The following SRRM2 variants were observed in gnomAD, a reference collection of about 807,000 sequenced individuals.
SRRM2 encodes serine/arginine repetitive matrix 2.
A neutral mutation model predicts 213.8 loss-of-function variants in SRRM2; 30 were observed. The ratio of observed to expected loss-of-function variants is 0.14; its 90% CI spans 0.10 to 0.19. The LOEUF (loss-of-function observed/expected upper bound fraction) is 0.19. Ranked by LOEUF, SRRM2 falls within the 10% of genes least tolerant of loss-of-function variation. SRRM2 has a pLI of 1.00. For synonymous variants in SRRM2, 2,025 were observed against 1,377.7 expected, an observed-to-expected ratio of 1.47 and a Z score of -10.40; for missense variants, 4,904 against 3,647.0, an observed-to-expected ratio of 1.34 and a Z score of -8.88.
Position 2,764,535 on chromosome 16 carries a change from C to T in SRRM2, c.4007C>T (p.Ser1336Leu). 6.2e-7 allele frequency: 1 copy of T among 1,614,206 alleles called. No individual in the cohort carries two copies. Among genetic ancestry groups the T allele is most frequent in the East Asian group, 2.2e-5 (1 of 44,890 alleles). The change falls in exon 11 of 15, where the codon TCA becomes TTA. Residue 1336 changes from serine to leucine, a missense_variant. Coordinates refer to ENST00000301740, the MANE Select transcript of SRRM2 (RefSeq NM_016333.4). ...SFGSPLEFRN[S>L]GPLGTEMNTG... The stretch of plus-strand genomic sequence containing the variant: ...GGATCACCTTTAGAATTTAGAAACT[C>T]AGGCCCACTTGGTACAGAAATGAAT...
At position 2,764,449 on chromosome 16, in the gene SRRM2, G is replaced by A. The variant is rs994433814; in HGVS notation, c.3921G>A (p.Gly1307=). ...CTTCAATGGCCTCATCTTGGGGTGG[G>A]CCACATTTTTCTCCAGAACATAAAG... The part of the protein sequence containing the change: ...EVPSMASSWG[G]PHFSPEHKEL... Residue 1307 remains glycine (G), a synonymous_variant, in exon 11 of 15, where the codon GGG becomes GGA. Coordinates refer to ENST00000301740, the MANE Select transcript of SRRM2 (RefSeq NM_016333.4). 6.2e-7 allele frequency: 1 copy of A among 1,612,716 alleles called. No homozygotes were observed. The highest frequency in any genetic ancestry group is 1.3e-5 in the African/African-American group (1 of 74,774).
intron 10 of SRRM2, among the ~76,000 whole-genome samples, chr16:2,761,009 T>TAC (rs1288325214): frequency 1.3e-5 from 2 of 152,240 alleles, no homozygotes; most frequent in African/African-American, 4.8e-5. Context: ...CATCCAGGGT[T>TAC]ACCTTTCCAA....
Position 2,764,273 on chromosome 16 carries a change from G to A in SRRM2, c.3745G>A (p.Ala1249Thr), listed in dbSNP as rs150319221. Residue 1249 changes from alanine to threonine, a missense_variant, in exon 11 of 15, where the codon GCA becomes ACA. Ala to Thr is a moderately conservative substitution (Grantham distance 58, BLOSUM62 0). Transcript: ENST00000301740. The part of the protein sequence containing the change: ...MEVVEKSEEP[A>T]GQILSHLSSE... ...GGTGGTAGAGAAGTCTGAAGAACCC[G>A]CAGGCCAAATCCTGTCTCATTTGTC... is the stretch of plus-strand genomic sequence containing the variant. 8.7e-6 allele frequency: 14 copies of A among 1,613,760 alleles called. No homozygotes were observed. Among genetic ancestry groups the A allele is most frequent in the Middle Eastern group, 1.6e-4 (1 of 6,062 alleles).
At position 2,766,371 on chromosome 16, in the gene SRRM2, C is replaced by G; in HGVS notation, c.5843C>G (p.Ser1948Cys). The G allele has an allele frequency of 6.2e-7, 1 of 1,614,158 alleles. No individual in the cohort carries two copies. Among genetic ancestry groups the G allele is most frequent in the Non-Finnish European group, 8.5e-7 (1 of 1,179,992 alleles). ...RTPTTRRRSR[S>C]RTPPVTRRRS... ...CCAACAACACGCCGCCGCTCCCGTTCTAGAACTCCACCAGTGACTCGCAGA... is the reference window on the plus strand; with the variant it reads ...CCAACAACACGCCGCCGCTCCCGTTGTAGAACTCCACCAGTGACTCGCAGA... Residue 1948 changes from serine to cysteine, a missense_variant, in exon 11 of 15, where the codon TCT becomes TGT. Transcript: ENST00000301740. The surrounding 1 kb of genome is among the most constrained non-coding windows in gnomAD (Gnocchi z 7.0).
In SRRM2 at chr16:2,765,696, G is replaced by A. The variant is rs2068515556; in HGVS notation, c.5168G>A (p.Arg1723Lys). The change falls in exon 11 of 15, where the codon AGG (arginine) becomes AAG (lysine). Residue 1723 changes from arginine (R) to lysine (K), a missense_variant. Coordinates refer to ENST00000301740, the MANE Select transcript of SRRM2 (RefSeq NM_016333.4). ...GAAACTCGCTCTAGAACTCCCCCAA[G>A]GCACCGGAGAAGTCCCTCAGTGTCT... The part of the protein sequence containing the change: ...SPETRSRTPP[R>K]HRRSPSVSSP... The A allele has an allele frequency of 6.2e-7, 1 of 1,614,088 alleles. No individual in the cohort carries two copies. Among genetic ancestry groups the A allele is most frequent in the South Asian group, 1.1e-5 (1 of 91,066 alleles).
rs1235816492 is a variant in SRRM2 at position 2,760,748 on chromosome 16, A to G, written c.1032+249A>G. The G allele has an allele frequency of 8.4e-6, 4 of 474,854 alleles. No homozygotes were observed. The East Asian group carries it at 1.6e-4, about 18-fold the overall frequency. The allele number at this position is 474,854 out of a possible 1,614,324, so 29.4% of individuals were successfully genotyped here. On this transcript the variant is annotated intron_variant, in intron 10 of 14. Coordinates refer to ENST00000301740, the MANE Select transcript of SRRM2 (RefSeq NM_016333.4). ...TATATTGTGTCTTGTTTATACATAG[A>G]TAGAACTGGAACAAACGTTGTATCT...
Position 2,768,130 on chromosome 16 carries a change from C to G in SRRM2, c.7602C>G (p.Ser2534=), listed in dbSNP as rs371982350. The part of the protein sequence containing the change: ...LQPAKERRSS[S]SSSSSSSSSS... ...CAGCAAAGGAGCGGCGGAGTTCCTC[C>G]TCGTCGTCGTCGTCCTCTAGCTCCT... Residue 2534 remains serine, a synonymous_variant, in exon 11 of 15, where the codon TCC becomes TCG. Transcript: ENST00000301740. 8.4e-5 allele frequency: 135 copies of G among 1,613,468 alleles called. No individual in the cohort carries two copies. Among genetic ancestry groups the G allele is most frequent in the East Asian group, 1.3e-4 (6 of 44,878 alleles).
intron 14 of SRRM2, 54 bp downstream of exon 14, chr16:2,770,771 G>A (rs1338213959): frequency 7.5e-6 from 12 of 1,603,526 alleles, no homozygotes; most frequent in Middle Eastern, 3.3e-4. Context: ...GTGGTGGTGG[G>A]TGGCGGCCCC....
chr16:2,763,284 T>C lies in SRRM2; in HGVS notation c.2756T>C (p.Val919Ala). 6.2e-7 allele frequency: 1 copy of C among 1,614,012 alleles called. No homozygotes were observed. Among genetic ancestry groups the C allele is most frequent in the Non-Finnish European group, 8.5e-7 (1 of 1,180,004 alleles). Residue 919 changes from valine (V) to alanine (A), a missense_variant, in exon 11 of 15, where the codon GTG becomes GCG. By Grantham distance (64) the Val-to-Ala change is moderately conservative (BLOSUM62 0). Transcript: ENST00000301740. Reference protein sequence around the residue: ...PSRSSSPQPKVKAIISPRQRS... With the variant: ...PSRSSSPQPKAKAIISPRQRS... ...AGGTCATCATCTCCACAACCCAAAG[T>C]GAAGGCAATAATATCACCAAGACAA...
chr16:2,758,647 A>G (rs1371030484), intron 5 of SRRM2, 100 bp downstream of exon 5: 1 of 1,203,450 alleles, frequency 8.3e-7, no homozygotes, highest in Non-Finnish European at 1.2e-6. Flanking sequence ...AAAGCAGGAG[A>G]TAGTTGTCAG....
In SRRM2 at chr16:2,771,328, A is replaced by C. The variant is rs761619874; in HGVS notation, c.*461A>C. The C allele has an allele frequency of 2.9e-6, 4 of 1,379,324 alleles. No homozygotes were observed. The highest frequency in any genetic ancestry group is 4.1e-6 in the Non-Finnish European group (4 of 973,290). 85.4% of individuals were successfully genotyped at this position (1,379,324 alleles called of 1,614,324 possible). A position where few individuals can be genotyped will look rare whatever the true frequency, so the allele number is the denominator to read the frequency against. On this transcript the variant is annotated 3_prime_UTR_variant, in exon 15 of 15. Transcript: ENST00000301740. ...TGTGAACCCCTCCCCCCAACTTTTCATGTTTCTTAAAGGCATTTTGGTTTT... is the reference window on the plus strand; with the variant it reads ...TGTGAACCCCTCCCCCCAACTTTTCCTGTTTCTTAAAGGCATTTTGGTTTT...
At position 2,766,669 on chromosome 16, in the gene SRRM2, A is replaced by G. The variant is rs143935372; in HGVS notation, c.6141A>G (p.Pro2047=). The change falls in exon 11 of 15, where the codon CCA becomes CCG. Residue 2047 remains proline (P), a synonymous_variant. Coordinates refer to ENST00000301740, the MANE Select transcript of SRRM2 (RefSeq NM_016333.4). The surrounding 1 kb of genome is among the most constrained non-coding windows in gnomAD (Gnocchi z 7.0). ...LPRKRSRSRS[P]LAIRRRSRSR... is the part of the protein sequence containing the mutation. ...GCAAACGTTCTCGAAGTCGCTCACC[A>G]CTTGCTATCCGCCGCCGCTCCAGAT... 2.5e-4 allele frequency: 406 copies of G among 1,612,014 alleles called. No homozygotes were observed. Among genetic ancestry groups the G allele is most frequent in the Non-Finnish European group, 3.3e-4 (393 of 1,179,480 alleles).
At position 2,767,537 on chromosome 16, in the gene SRRM2, A is replaced by G; in HGVS notation, c.7009A>G (p.Asn2337Asp). The part of the protein sequence containing the change: ...SRTPQAPASA[N>D]LVGPRSAHAT... ...AACACCACAGGCTCCAGCCTCTGCA[A>G]ACCTGGTGGGTCCTCGGTCTGCACA... Residue 2337 changes from asparagine to aspartate, a missense_variant, in exon 11 of 15, where the codon AAC (asparagine) becomes GAC (aspartate). By Grantham distance (23) the Asn-to-Asp change is conservative. Coordinates refer to ENST00000301740, the MANE Select transcript of SRRM2 (RefSeq NM_016333.4). 6.2e-7 allele frequency: 1 copy of G among 1,614,136 alleles called. No individual in the cohort carries two copies. Among genetic ancestry groups the G allele is most frequent in the Non-Finnish European group, 8.5e-7 (1 of 1,180,020 alleles).
Position 2,761,593 on chromosome 16 carries a change from A to T in SRRM2, c.1065A>T (p.Glu355Asp), listed in dbSNP as rs1489607423. Residue 355 changes from glutamate to aspartate, a missense_variant, in exon 11 of 15, where the codon GAA becomes GAT. Physicochemically the swap from Glu to Asp is conservative, Grantham distance 45 (BLOSUM62 2). Coordinates refer to ENST00000301740, the MANE Select transcript of SRRM2 (RefSeq NM_016333.4). The stretch of plus-strand genomic sequence containing the variant: ...CAACTCGACCTAGCCCCTCTCCGGA[A>T]AGGAGCAGCACAGGCCCAGAACCAC... ...KSATRPSPSP[E>D]RSSTGPEPPA... is the part of the protein sequence containing the mutation. 6.6e-7 allele frequency: 1 copy of T among 1,516,738 alleles called. No individual in the cohort carries two copies. 94.0% of individuals were successfully genotyped at this position (1,516,738 alleles called of 1,614,324 possible).
Position 2,765,693 on chromosome 16 carries a change from C to G in SRRM2, c.5165C>G (p.Pro1722Arg), listed in dbSNP as rs773119379. The G allele has an allele frequency of 3.1e-6, 5 of 1,614,142 alleles. No homozygotes were observed. Among genetic ancestry groups the G allele is most frequent in the Non-Finnish European group, 4.2e-6 (5 of 1,180,022 alleles). Residue 1722 changes from proline to arginine, a missense_variant, in exon 11 of 15, where the codon CCA becomes CGA. By Grantham distance (103) the Pro-to-Arg change is moderately radical. Transcript: ENST00000301740. ...CCAGAAACTCGCTCTAGAACTCCCC[C>G]AAGGCACCGGAGAAGTCCCTCAGTG... ...SSPETRSRTPPRHRRSPSVSS... is the reference protein window; with the variant it reads ...SSPETRSRTPRRHRRSPSVSS...
In SRRM2 at chr16:2,767,463, C is replaced by A. The variant is rs767556757; in HGVS notation, c.6935C>A (p.Thr2312Lys). 6.8e-6 allele frequency: 11 copies of A among 1,614,236 alleles called. 1 individual carries two copies. The South Asian group carries it at 1.2e-4, about 18-fold the overall frequency. ...TPAALAALSL[T>K]GSGTPPTAAN... is the part of the protein sequence containing the mutation. ...GCTGCCTTGGCAGCTCTGAGTCTCACAGGCTCTGGCACACCACCAACTGCT... is the reference window on the plus strand; with the variant it reads ...GCTGCCTTGGCAGCTCTGAGTCTCAAAGGCTCTGGCACACCACCAACTGCT... Residue 2312 changes from threonine to lysine, a missense_variant, in exon 11 of 15, where the codon ACA becomes AAA. Thr to Lys is a moderately conservative substitution (Grantham distance 78). Transcript: ENST00000301740.
In SRRM2 at chr16:2,766,524, C is replaced by T. The variant is rs1188022140; in HGVS notation, c.5996C>T (p.Ser1999Phe). ...VTRRRSRSRT[S>F]PVTRRRSRSR... Reference sequence around the variant, plus strand: ...CGAAGGAGATCTCGATCTCGCACATCTCCAGTAACTCGAAGAAGGTCCCGC... The same window carrying T: ...CGAAGGAGATCTCGATCTCGCACATTTCCAGTAACTCGAAGAAGGTCCCGC... Residue 1999 changes from serine to phenylalanine, a missense_variant, in exon 11 of 15, where the codon TCT (serine) becomes TTT (phenylalanine). Physicochemically the swap from Ser to Phe is radical, Grantham distance 155 (BLOSUM62 -2). Transcript: ENST00000301740. The surrounding 1 kb of genome is among the most constrained non-coding windows in gnomAD (Gnocchi z 7.0). 1.2e-6 allele frequency: 2 copies of T among 1,614,202 alleles called. No individual in the cohort carries two copies. Among genetic ancestry groups the T allele is most frequent in the Non-Finnish European group, 1.7e-6 (2 of 1,180,034 alleles).
Position 2,763,531 on chromosome 16 carries a change from C to A in SRRM2, c.3003C>A (p.Ala1001=). The change falls in exon 11 of 15, where the codon GCC becomes GCA. Residue 1001 remains alanine (A), a synonymous_variant. Transcript: ENST00000301740. ...TTTCACCATACCCCAAAGTAAAGGC[C>A]CAAACTCCACCGGGGCCAAGTCTTT... ...GSISPYPKVK[A]QTPPGPSLSG... is the part of the protein sequence containing the mutation. 2 of 1,614,112 alleles carry A rather than the reference C, an allele frequency of 1.2e-6. No homozygotes were observed. The highest frequency in any genetic ancestry group is 1.7e-6 in the Non-Finnish European group (2 of 1,180,026).
chr16:2,757,260 A>G (rs2068177021), intron 2 of SRRM2, among the ~76,000 whole-genome samples: 2 of 152,096 alleles, frequency 1.3e-5, no homozygotes, highest in Non-Finnish European at 2.9e-5. Flanking sequence ...CCTGAGGTGT[A>G]GCATATTTAA....
Sources: allele counts gnomAD v4.1 joint callset (sites outside exome capture counted in the v4.1 genomes callset), GRCh38; gene constraint gnomAD v4.1.1; non-coding constraint Gnocchi (gnomAD v3.1); transcripts MANE v1.5; gene names NCBI Gene and HGNC (gene_info 2026-07-23, HGNC 2026-07-21).